The following SLC1A7 variants were observed in gnomAD, a reference collection of about 807,000 sequenced individuals.
SLC1A7 encodes the protein solute carrier family 1 member 7.
SLC1A7 carries 40 observed loss-of-function variants against 47.7 expected under a neutral mutation model. The ratio of observed to expected loss-of-function variants is 0.84; its 90% CI spans 0.65 to 1.09. SLC1A7 has a LOEUF of 1.09. Among genes scored for constraint, SLC1A7 ranks in the 50% least tolerant of loss-of-function variants. SLC1A7 has a pLI of 0.00. For synonymous variants in SLC1A7, 323 were observed against 325.6 expected, an observed-to-expected ratio of 0.99 and a Z score of 0.09; for missense variants, 746 against 769.5, an observed-to-expected ratio of 0.97 and a Z score of 0.36.
In SLC1A7 at chr1:53,134,735, C is replaced by T. The variant is rs551079462; in HGVS notation, c.136-306G>A. Reference sequence around the variant, plus strand: ...TACAGTAGTCCCTACTTATTCTCAGCGGACAGGTTCCGAGACCGCCAGTGG... The same window carrying T: ...TACAGTAGTCCCTACTTATTCTCAGTGGACAGGTTCCGAGACCGCCAGTGG... On this transcript the variant is annotated intron_variant, in intron 1 of 10. Transcript: ENST00000371494. Among the ~76,000 whole-genome samples, 18 of 152,252 alleles carry T rather than the reference C, an allele frequency of 1.2e-4. No individual in the cohort carries two copies. In the South Asian group the frequency reaches 2.1e-3, roughly 18 times the overall value.
chr1:53,116,752 G>C (rs969951426), intron 2 of SLC1A7, among the ~76,000 whole-genome samples: 41 of 152,248 alleles, frequency 2.7e-4, no homozygotes, highest in African/African-American at 9.4e-4. Context: ...AGCAGGCCCT[G>C]CCTGAGGTCA....
At chr1:53,088,623 C>T (rs935784711) in intron 10 of SLC1A7, among the ~76,000 whole-genome samples, 29 of 152,186 alleles carry the variant, frequency 1.9e-4, no homozygotes, top group African/African-American at 6.3e-4. Context: ...CATCCCGACA[C>T]GAGGGCGGGG....
At chr1:53,088,469 G>A (rs1644384015) in intron 10 of SLC1A7, among the ~76,000 whole-genome samples, 1 of 152,098 alleles carries the variant, frequency 6.6e-6, no homozygotes, top group Non-Finnish European at 1.5e-5. Context: ...GTCCATCTGG[G>A]GAATTGGTGG....
In SLC1A7 at chr1:53,088,245, G is replaced by A. The variant is rs965602205; in HGVS notation, c.1465-18C>T. On this transcript the variant is annotated intron_variant, in intron 10 of 10. Transcript: ENST00000371494. ...AGCAGTTTCTGGTGAAGGGAAACAG[G>A]TCTTTGTAGCAGCAGGAGGGACCAA... is the stretch of plus-strand genomic sequence containing the variant. The A allele has an allele frequency of 6.3e-7, 1 of 1,580,426 alleles. No homozygotes were observed. The highest frequency in any genetic ancestry group is 8.6e-7 in the Non-Finnish European group (1 of 1,160,824).
At chr1:53,126,951 C>G (rs544779339) in intron 2 of SLC1A7, among the ~76,000 whole-genome samples, 2 of 151,672 alleles carry the variant, frequency 1.3e-5, no homozygotes, top group African/African-American at 4.9e-5. Context: ...CAGGCTCAAC[C>G]TTCTGGGCTC....
At chr1:53,119,718 T>A (rs998931888) in intron 2 of SLC1A7, among the ~76,000 whole-genome samples, 2 of 152,182 alleles carry the variant, frequency 1.3e-5, no homozygotes, top group African/African-American at 2.4e-5. Flanking sequence ...GTTCACAGCC[T>A]GCCCTTGGTA....
In SLC1A7 at chr1:53,093,490, C is replaced by A; in HGVS notation, c.768G>T (p.Ser256=). ...CAGCCACCGCCACGATCTTCATGACCGACTCATTGAGGCACTGGCAGAAGC... is the reference window on the plus strand; with the variant it reads ...CAGCCACCGCCACGATCTTCATGACAGACTCATTGAGGCACTGGCAGAAGC... ...LVSFCQCLNE[S]VMKIVAVAVW... The change falls in exon 6 of 11, where the codon TCG becomes TCT. Residue 256 remains serine, a synonymous_variant. Coordinates refer to ENST00000371494, the MANE Select transcript of SLC1A7 (RefSeq NM_006671.6). 2 of 1,611,220 alleles carry A rather than the reference C, an allele frequency of 1.2e-6. No homozygotes were observed. The highest frequency in any genetic ancestry group is 1.7e-6 in the Non-Finnish European group (2 of 1,179,794).
intron 7 of SLC1A7, among the ~76,000 whole-genome samples, chr1:53,091,381 G>A (rs979885756): frequency 6.6e-6 from 1 of 152,204 alleles, no homozygotes; most frequent in Admixed American, 6.5e-5. Flanking sequence ...TCTCCCCCGG[G>A]CCTCTGCCTG....
Position 53,142,229 on chromosome 1 carries a change from G to A in SLC1A7, c.135+86C>T, listed in dbSNP as rs1043013613. ...TCACACACTGTCATGGCACCAGGGAGCTGTGATGCTAGAACGGGACCCCAG... is the reference window on the plus strand; with the variant it reads ...TCACACACTGTCATGGCACCAGGGAACTGTGATGCTAGAACGGGACCCCAG... On this transcript the variant is annotated intron_variant, in intron 1 of 10. Transcript: ENST00000371494. 2.1e-6 allele frequency: 3 copies of A among 1,411,654 alleles called. No individual in the cohort carries two copies. In the African/African-American group the frequency reaches 4.3e-5, roughly 20 times the overall value. The allele number at this position is 1,411,654 out of a possible 1,614,324, so 87.4% of individuals were successfully genotyped here.
intron 5 of SLC1A7, among the ~76,000 whole-genome samples, chr1:53,099,264 C>CA (rs1491061819): frequency 1.4e-4 from 1 of 6,924 alleles, no homozygotes; most frequent in Admixed American, 2.1e-3. Flanking sequence ...TGCCTCAGTA[C>CA]CTCACATACC....
At chr1:53,133,128 G>A (rs1644957725) in intron 2 of SLC1A7, among the ~76,000 whole-genome samples, 1 of 152,186 alleles carries the variant, frequency 6.6e-6, no homozygotes. Flanking sequence ...ATTTCATGAG[G>A]GCAAGAGTAA....
chr1:53,100,297 C>A (rs1303363566), intron 5 of SLC1A7, among the ~76,000 whole-genome samples: 2 of 151,540 alleles, frequency 1.3e-5, no homozygotes, highest in South Asian at 4.2e-4. Context: ...TTGGTACACT[C>A]ACACACACCG....
chr1:53,090,325 C>T (rs938643390), intron 8 of SLC1A7: 22 of 544,192 alleles, frequency 4.0e-5, no homozygotes, highest in Middle Eastern at 4.8e-4. Context: ...GTGAGGCCTC[C>T]GTCAGCCTCA....
At position 53,087,834 on chromosome 1, in the gene SLC1A7, C is replaced by G; in HGVS notation, c.*175G>C. The G allele has an allele frequency of 2.4e-6, 1 of 411,488 alleles. No homozygotes were observed. The highest frequency in any genetic ancestry group is 4.3e-6 in the Non-Finnish European group (1 of 232,596). 25.5% of individuals were successfully genotyped at this position (411,488 alleles called of 1,614,324 possible). On this transcript the variant is annotated 3_prime_UTR_variant, in exon 11 of 11. Coordinates refer to ENST00000371494, the MANE Select transcript of SLC1A7 (RefSeq NM_006671.6). ...CCCTAGATGGGGCTCCCCCATGCAG[C>G]CTTTCCCTTCTCTGAGATACATTTT...
chr1:53,110,076 T>C (rs1644686332), intron 3 of SLC1A7, among the ~76,000 whole-genome samples: 1 of 152,190 alleles, frequency 6.6e-6, no homozygotes, highest in African/African-American at 2.4e-5. Context: ...TCTTCAAGGT[T>C]GGGCTCTGCC....
At chr1:53,091,683 G>T (rs1644424176) in intron 7 of SLC1A7, among the ~76,000 whole-genome samples, 1 of 152,214 alleles carries the variant, frequency 6.6e-6, no homozygotes, top group African/African-American at 2.4e-5. Context: ...GGGTACAGAG[G>T]CCTGCAGGGC....
intron 3 of SLC1A7, among the ~76,000 whole-genome samples, chr1:53,109,424 A>T (rs1290183560): frequency 6.6e-6 from 1 of 152,206 alleles, no homozygotes; most frequent in East Asian, 1.9e-4. Flanking sequence ...CACTGTGAGC[A>T]GGCGCCAGCC....
intron 2 of SLC1A7, among the ~76,000 whole-genome samples, chr1:53,129,495 C>T (rs1453466371): frequency 9.3e-6 from 1 of 107,400 alleles, no homozygotes; most frequent in Non-Finnish European, 2.1e-5. Context: ...GCGTGGGCTG[C>T]ACTCAGTTGG....
chr1:53,101,595 GCCTCAGTACACTCACACACCCCA>G (rs1470532184), intron 5 of SLC1A7, among the ~76,000 whole-genome samples: 7 of 125,450 alleles, frequency 5.6e-5, no homozygotes, highest in Non-Finnish European at 1.2e-4. Flanking sequence ...CACACAACCC[GCCTCAGTACACTCACACACCCCA>G]CCTCAGTACA....
Sources: gnomAD v4.1 joint callset for allele counts (sites outside exome capture counted in the v4.1 genomes callset) on GRCh38, gnomAD v4.1.1 for gene constraint, MANE v1.5 for transcripts, NCBI Gene and HGNC (gene_info 2026-07-23, HGNC 2026-07-21) for gene names.